PICALM: variants seen among roughly 807,000 people sequenced by gnomAD.
PICALM encodes the protein phosphatidylinositol binding clathrin assembly protein.
PICALM carries 40 observed loss-of-function variants against 80.5 expected under a neutral mutation model. The ratio of observed to expected loss-of-function variants is 0.50; its 90% CI spans 0.39 to 0.65. The LOEUF (loss-of-function observed/expected upper bound fraction) is 0.65, where lower values mean the gene tolerates loss of function less well. PICALM is among the 30% of genes least tolerant of loss of function. The probability of loss-of-function intolerance (pLI) is 0.00; values close to 1 mark genes in which losing one functional copy is unlikely to be tolerated. For synonymous variants in PICALM, 288 were observed against 260.3 expected (o/e 1.11, Z -1.02); for missense variants, 676 against 778.9 (o/e 0.87, Z 1.57).
intron 1 of PICALM, among the ~76,000 whole-genome samples, chr11:86,062,366 A>T (rs2096381711): frequency 6.6e-6 from 1 of 151,956 alleles, no homozygotes; most frequent in Non-Finnish European, 1.5e-5. Context: ...AAAATACAAA[A>T]ATTTAGCTGG....
At chr11:86,043,075 C>T (rs1200905469) in intron 1 of PICALM, among the ~76,000 whole-genome samples, 1 of 152,156 alleles carries the variant, frequency 6.6e-6, no homozygotes, top group Non-Finnish European at 1.5e-5. Context: ...ATAGCACACC[C>T]TTTCACTCTT....
Position 86,000,661 on chromosome 11 carries a change from G to A in PICALM, c.1136C>T (p.Thr379Ile). ...CTCCTACCTGTTAGAAGAACTAGGGGTAGAAAATATGTCAATGGCTGGTGC... is the reference window on the plus strand; with the variant it reads ...CTCCTACCTGTTAGAAGAACTAGGGATAGAAAATATGTCAATGGCTGGTGC... The part of the protein sequence containing the change: ...MTAPAIDIFS[T>I]PSSSNSTSKL... Residue 379 changes from threonine to isoleucine, a missense_variant, in exon 11 of 20, where the codon ACC (threonine) becomes ATC (isoleucine). By Grantham distance (89) the Thr-to-Ile change is moderately conservative. Coordinates refer to ENST00000393346, the MANE Select transcript of PICALM (RefSeq NM_007166.4). 6.2e-7 allele frequency: 1 copy of A among 1,612,034 alleles called. No individual in the cohort carries two copies. Among genetic ancestry groups the A allele is most frequent in the Non-Finnish European group, 8.5e-7 (1 of 1,179,658 alleles).
intron 5 of PICALM, among the ~76,000 whole-genome samples, chr11:86,013,529 G>A (rs636772): frequency 0.5 from 75,452 of 151,852 alleles, 19,173 homozygotes; most frequent in East Asian, 0.6. Flanking sequence ...GAGACAGAGA[G>A]AGGAGAGAGA....
intron 1 of PICALM, among the ~76,000 whole-genome samples, chr11:86,059,352 A>T (rs2096319936): frequency 6.6e-6 from 1 of 152,248 alleles, no homozygotes; most frequent in African/African-American, 2.4e-5. Flanking sequence ...CCCAAAATAC[A>T]TAAAAGCAAG....
intron 1 of PICALM, among the ~76,000 whole-genome samples, chr11:86,059,761 T>G (rs1445154984): frequency 6.6e-6 from 1 of 152,084 alleles, no homozygotes; most frequent in African/African-American, 2.4e-5. Context: ...GACCCTGTCT[T>G]TAGTCCAAGG....
At chr11:86,003,473 G>C (rs2095201126) in intron 8 of PICALM, 22 bp from the exon 9 acceptor site, 1 of 1,463,614 alleles carries the variant, frequency 6.8e-7, no homozygotes, top group Non-Finnish European at 9.4e-7. Flanking sequence ...CAAATATTAA[G>C]AATTTCATGA....
chr11:85,997,139 T>C lies in PICALM; in HGVS notation c.1155-210A>G, dbSNP rs183319594. ...AATCTAATATCATATCTTAAGTTTA[T>C]ATAAGATTCAAAGAACAGTAGCTCT... On this transcript the variant is annotated intron_variant, in intron 11 of 19. Coordinates refer to ENST00000393346, the MANE Select transcript of PICALM (RefSeq NM_007166.4). Among the ~76,000 whole-genome samples, 324 of 152,336 alleles carry C rather than the reference T, an allele frequency of 2.1e-3. 1 individual carries two copies. The highest frequency in any genetic ancestry group is 7.5e-3 in the African/African-American group (310 of 41,582).
chr11:86,011,557 G>A (rs1300552953), intron 6 of PICALM, among the ~76,000 whole-genome samples: 1 of 152,038 alleles, frequency 6.6e-6, no homozygotes, highest in African/African-American at 2.4e-5. Context: ...CATAGAAAAG[G>A]TTAATTTATA....
rs1464120048 is a variant in PICALM, at chr11:85,965,807, GTTTTTTTGTTTT to G, written c.1945-6759_1945-6748del. On this transcript the variant is annotated intron_variant, in intron 19 of 19. Transcript: ENST00000393346. ...TCACCTTGAATGCATTACCCATTTT[GTTTTTTTGTTTT>G]TTTTTTTTTTTTTTTTTTTGAGACA... 5.6e-4 allele frequency among the ~76,000 whole-genome samples: 44 copies of G among 79,260 alleles called. 1 individual carries two copies. The highest frequency in any genetic ancestry group is 3.0e-4 in the Non-Finnish European group (13 of 43,370). 52.0% of individuals were successfully genotyped at this position (79,260 alleles called of 152,430 possible).
chr11:86,045,138 C>T lies in PICALM; in HGVS notation c.131-13527G>A, dbSNP rs1315686076. 9.2e-5 allele frequency among the ~76,000 whole-genome samples: 14 copies of T among 152,092 alleles called. No homozygotes were observed. The East Asian group carries it at 1.9e-3, about 21-fold the overall frequency. On this transcript the variant is annotated intron_variant, in intron 1 of 19. Coordinates refer to ENST00000393346, the MANE Select transcript of PICALM (RefSeq NM_007166.4). ...GTGGAAAATATGAGCAATTTTAATA[C>T]ATTATTAATATATCACTATAAAATA...
At chr11:85,988,481 A>G (rs186226257) in intron 13 of PICALM, among the ~76,000 whole-genome samples, 2 of 152,304 alleles carry the variant, frequency 1.3e-5, no homozygotes, top group East Asian at 1.9e-4. Context: ...TCTAGCTCCA[A>G]ATGAGCTGGC....
At chr11:85,994,644 A>G (rs1412812287) in intron 12 of PICALM, among the ~76,000 whole-genome samples, 1 of 152,244 alleles carries the variant, frequency 6.6e-6, no homozygotes, top group Non-Finnish European at 1.5e-5. Flanking sequence ...TACATATTTA[A>G]GTGTTCAAGT....
chr11:85,961,158 G>A (rs1469140097), intron 19 of PICALM, among the ~76,000 whole-genome samples: 1 of 152,192 alleles, frequency 6.6e-6, no homozygotes, highest in Non-Finnish European at 1.5e-5. Context: ...ATGGTTTCCT[G>A]TGTCCAGGCT....
intron 1 of PICALM, among the ~76,000 whole-genome samples, chr11:86,053,445 A>T (rs547804264): frequency 6.6e-6 from 1 of 152,342 alleles, no homozygotes; most frequent in Admixed American, 6.5e-5. Flanking sequence ...TTACTCCTTC[A>T]GGGTGCTGCT....
intron 12 of PICALM, among the ~76,000 whole-genome samples, chr11:85,990,672 G>C (rs1332567485): frequency 1.3e-5 from 2 of 152,120 alleles, no homozygotes; most frequent in African/African-American, 4.8e-5. Context: ...TAATAACCAA[G>C]ATGTTTCTAT....
At chr11:86,010,349 T>TA (rs1396029751) in intron 7 of PICALM, among the ~76,000 whole-genome samples, 1 of 150,676 alleles carries the variant, frequency 6.6e-6, no homozygotes, top group Non-Finnish European at 1.5e-5. Context: ...TTTTTTGAGA[T>TA]AGAGTCTTGC....
intron 1 of PICALM, among the ~76,000 whole-genome samples, chr11:86,032,715 T>C (rs1254938299): frequency 6.6e-6 from 1 of 152,140 alleles, no homozygotes; most frequent in Admixed American, 6.5e-5. Flanking sequence ...ATATATAAAA[T>C]GTAATGTATA....
At chr11:85,991,072 A>T (rs1164575962) in intron 12 of PICALM, among the ~76,000 whole-genome samples, 1 of 152,200 alleles carries the variant, frequency 6.6e-6, no homozygotes, top group Non-Finnish European at 1.5e-5. Flanking sequence ...TACTAGAATG[A>T]TATAAATATG....
intron 1 of PICALM, 106 bp from the exon 2 acceptor site, chr11:86,031,717 A>C (rs968582813): frequency 1.4e-5 from 11 of 765,246 alleles, no homozygotes; most frequent in Non-Finnish European, 2.3e-5. Flanking sequence ...AAAGTGGAGC[A>C]GTAATAGTTT....
Sources: allele counts gnomAD v4.1 joint callset (sites outside exome capture counted in the v4.1 genomes callset), GRCh38; gene constraint gnomAD v4.1.1; transcripts MANE v1.5; gene names NCBI Gene and HGNC (gene_info 2026-07-23, HGNC 2026-07-21).